Variants in NLGN1 observed in about 807,000 individuals in gnomAD.
NLGN1 encodes neuroligin 1.
In NLGN1, 12 loss-of-function variants were observed where a neutral mutation model predicts 65.5. That is an observed-to-expected ratio of 0.18 (90% CI 0.12 to 0.30). NLGN1 has a LOEUF of 0.30. Ranked by LOEUF, NLGN1 falls within the 10% of genes least tolerant of loss-of-function variation. The pLI is 1.00. For missense variants in NLGN1, 750 were observed against 1,007.1 expected, an observed-to-expected ratio of 0.74 and a Z score of 3.46; for synonymous variants, 350 against 359.5, an observed-to-expected ratio of 0.97 and a Z score of 0.30.
chr3:173,978,885 A>G (rs1295612531), intron 4 of NLGN1, among the ~76,000 whole-genome samples: 2 of 151,314 alleles, frequency 1.3e-5, no homozygotes, highest in Non-Finnish European at 2.9e-5. Flanking sequence ...GACATCTGTA[A>G]TCCCACCTAA....
At chr3:173,902,049 A>G (rs969255211) in intron 4 of NLGN1, among the ~76,000 whole-genome samples, 3 of 152,144 alleles carry the variant, frequency 2.0e-5, no homozygotes, top group Non-Finnish European at 4.4e-5. Context: ...TTGGTTCCCT[A>G]CACAGATAGC....
At chr3:174,273,753 C>T (rs1204835441) in intron 4 of NLGN1, among the ~76,000 whole-genome samples, 2 of 151,582 alleles carry the variant, frequency 1.3e-5, no homozygotes, top group Non-Finnish European at 3.0e-5. Context: ...GTTAGAGCTG[C>T]AGTTTTATTT....
chr3:173,706,511 A>G (rs1340057782), intron 3 of NLGN1, among the ~76,000 whole-genome samples: 2 of 152,210 alleles, frequency 1.3e-5, no homozygotes, highest in African/African-American at 4.8e-5. Flanking sequence ...TTTATACTTC[A>G]TGAAAATTTT....
intron 2 of NLGN1, among the ~76,000 whole-genome samples, chr3:173,537,794 A>T (rs1054013086): frequency 6.6e-6 from 1 of 152,116 alleles, no homozygotes; most frequent in African/African-American, 2.4e-5. Flanking sequence ...GGACATAGTG[A>T]TATCAAGAGA....
intron 4 of NLGN1, among the ~76,000 whole-genome samples, chr3:173,946,689 T>C (rs1258012189): frequency 6.6e-6 from 1 of 152,206 alleles, no homozygotes; most frequent in African/African-American, 2.4e-5. Flanking sequence ...ACTCATCTTG[T>C]ACTTCCGCTA....
At chr3:173,914,840 T>C (rs1740407677) in intron 4 of NLGN1, 1 of 152,172 alleles carries the variant, frequency 6.6e-6, no homozygotes, top group South Asian at 2.1e-4. Context: ...AATCAATAAC[T>C]GTTACAAGAT....
rs143006532 is a variant in NLGN1 at position 174,195,498 on chromosome 3, G to T, written c.647-79817G>T. On this transcript the variant is annotated intron_variant, in intron 4 of 6. Coordinates refer to ENST00000457714, the Ensembl canonical transcript of NLGN1. The stretch of plus-strand genomic sequence containing the variant: ...GACTAATAAACCAGAAAAATAATTA[G>T]ATTAGGAAGCTAATCTGTGTATGAG... 2.0e-5 allele frequency among the ~76,000 whole-genome samples: 3 copies of T among 152,246 alleles called. No individual in the cohort carries two copies. The East Asian group carries it at 5.8e-4, about 29-fold the overall frequency.
At chr3:173,932,229 G>GT (rs1466132259) in intron 4 of NLGN1, among the ~76,000 whole-genome samples, 12 of 151,980 alleles carry the variant, frequency 7.9e-5, no homozygotes, top group African/African-American at 2.7e-4. Context: ...TGTTTCCACT[G>GT]TGATCAAGTT....
chr3:174,138,465 C>T (rs1721631419), intron 4 of NLGN1, among the ~76,000 whole-genome samples: 1 of 133,524 alleles, frequency 7.5e-6, no homozygotes, highest in Admixed American at 8.0e-5. Context: ...GACAGAATGT[C>T]GCTCCGTCGC....
intron 3 of NLGN1, among the ~76,000 whole-genome samples, chr3:173,748,319 C>T (rs1048044616): frequency 1.3e-5 from 2 of 152,036 alleles, no homozygotes; most frequent in South Asian, 4.1e-4. Flanking sequence ...ACAGGCAGAA[C>T]ATTACATCTG....
intron 2 of NLGN1, among the ~76,000 whole-genome samples, chr3:173,517,983 C>A (rs1257123276): frequency 6.6e-6 from 1 of 152,136 alleles, no homozygotes; most frequent in South Asian, 2.1e-4. Flanking sequence ...TCTCATACAA[C>A]CATCCTTTTG....
chr3:173,502,736 A>T (rs926700143), intron 2 of NLGN1, among the ~76,000 whole-genome samples: 1 of 152,138 alleles, frequency 6.6e-6, no homozygotes, highest in Non-Finnish European at 1.5e-5. Context: ...GAGAAATAGC[A>T]GACGGCACAA....
intron 4 of NLGN1, among the ~76,000 whole-genome samples, chr3:174,053,974 T>G (rs1214283077): frequency 2.0e-5 from 3 of 152,012 alleles, no homozygotes; most frequent in African/African-American, 4.8e-5. Context: ...GAATATCTTT[T>G]CTATTATCAA....
chr3:173,576,056 C>T (rs1488097898), intron 2 of NLGN1, among the ~76,000 whole-genome samples: 3 of 152,006 alleles, frequency 2.0e-5, no homozygotes, highest in Admixed American at 6.6e-5. Flanking sequence ...ATAATATACA[C>T]ATTGGATTTT....
At chr3:174,064,544 C>CA (rs925513364) in intron 4 of NLGN1, among the ~76,000 whole-genome samples, 1 of 150,558 alleles carries the variant, frequency 6.6e-6, no homozygotes, top group African/African-American at 2.4e-5. Context: ...AATTTAATTA[C>CA]AATGCTTATT....
At chr3:174,026,072 C>T (rs1032439764) in intron 4 of NLGN1, among the ~76,000 whole-genome samples, 1 of 151,958 alleles carries the variant, frequency 6.6e-6, no homozygotes, top group Non-Finnish European at 1.5e-5. Flanking sequence ...TAATAAATAG[C>T]TGTGTATGAA....
At chr3:173,793,912 T>G (rs1340271438) in intron 3 of NLGN1, among the ~76,000 whole-genome samples, 1 of 152,142 alleles carries the variant, frequency 6.6e-6, no homozygotes, top group Non-Finnish European at 1.5e-5. Context: ...GCTTTTAAGA[T>G]TAAGACAAAA....
At chr3:173,789,369 C>G (rs764391840) in intron 3 of NLGN1, among the ~76,000 whole-genome samples, 1 of 152,158 alleles carries the variant, frequency 6.6e-6, no homozygotes, top group African/African-American at 2.4e-5. Flanking sequence ...TAGTAGTCCC[C>G]ACTACTTCCA....
intron 2 of NLGN1, among the ~76,000 whole-genome samples, chr3:173,513,003 A>G (rs1394907758): frequency 6.6e-6 from 1 of 152,180 alleles, no homozygotes; most frequent in African/African-American, 2.4e-5. Context: ...CTGGACTGTG[A>G]ACTTTCAAAC....
Sources: allele counts gnomAD v4.1 joint callset (sites outside exome capture counted in the v4.1 genomes callset), GRCh38; gene constraint gnomAD v4.1.1; transcripts MANE v1.5; gene names NCBI Gene and HGNC (gene_info 2026-07-23, HGNC 2026-07-21).